CALN1: variants seen among roughly 807,000 people sequenced by gnomAD.
CALN1 encodes calcium-binding protein 8.
In CALN1, 17 loss-of-function variants were observed where a neutral mutation model predicts 30.6. That is an observed-to-expected ratio of 0.56 (90% CI 0.38 to 0.83). CALN1 has a LOEUF of 0.83. Among genes scored for constraint, CALN1 ranks in the 40% least tolerant of loss-of-function variants. CALN1 has a pLI of 0.00. For synonymous variants in CALN1, 156 were observed against 131.4 expected (o/e 1.19, Z -1.28); for missense variants, 291 against 354.9 (o/e 0.82, Z 1.45).
chr7:72,339,922 G>A (rs1166454237), intron 2 of CALN1, among the ~76,000 whole-genome samples: 2 of 152,208 alleles, frequency 1.3e-5, no homozygotes, highest in African/African-American at 4.8e-5. Context: ...GTCAAGATGA[G>A]ATTTGGGTGG....
chr7:72,299,453 A>C (rs1372355240), intron 2 of CALN1, among the ~76,000 whole-genome samples: 1 of 27,976 alleles, frequency 3.6e-5, no homozygotes, highest in Non-Finnish European at 8.4e-5. Context: ...CATCTTTCAT[A>C]GTTAAGAGGC....
chr7:72,044,143 G>A (rs1802310475), intron 4 of CALN1, among the ~76,000 whole-genome samples: 1 of 152,028 alleles, frequency 6.6e-6, no homozygotes, highest in South Asian at 2.1e-4. Flanking sequence ...TTGAATATGA[G>A]AGTTGGGGTA....
intron 3 of CALN1, among the ~76,000 whole-genome samples, chr7:72,177,636 A>C (rs1391491922): frequency 1.3e-5 from 2 of 151,546 alleles, no homozygotes; most frequent in Admixed American, 6.6e-5. Context: ...GTGGTGGTGC[A>C]TGACTGTAAT....
intron 4 of CALN1, among the ~76,000 whole-genome samples, chr7:72,081,709 C>T (rs1805159455): frequency 6.6e-6 from 1 of 151,646 alleles, no homozygotes; most frequent in Non-Finnish European, 1.5e-5. Context: ...GGTATGAGCC[C>T]TGCTAAGAAA....
At chr7:71,927,565 C>T (rs1460265927) in intron 5 of CALN1, among the ~76,000 whole-genome samples, 2 of 152,082 alleles carry the variant, frequency 1.3e-5, no homozygotes, top group Non-Finnish European at 2.9e-5. Flanking sequence ...TGCATGTAAG[C>T]TGTTTCTAAT....
At chr7:72,067,859 C>G (rs1804131462) in intron 4 of CALN1, among the ~76,000 whole-genome samples, 1 of 152,174 alleles carries the variant, frequency 6.6e-6, no homozygotes, top group Non-Finnish European at 1.5e-5. Context: ...AGATACAGAC[C>G]AGGAAGGAGT....
At chr7:72,402,466 C>T (rs999005627) in intron 2 of CALN1, among the ~76,000 whole-genome samples, 1 of 152,172 alleles carries the variant, frequency 6.6e-6, no homozygotes, top group Non-Finnish European at 1.5e-5. Flanking sequence ...CCATTCTGAA[C>T]AGCCTTAGGG....
intron 4 of CALN1, among the ~76,000 whole-genome samples, chr7:72,046,431 G>T (rs902173304): frequency 2.0e-5 from 3 of 151,874 alleles, no homozygotes. Flanking sequence ...TTGTAGAGAG[G>T]CTGGGTGTGG....
intron 5 of CALN1, among the ~76,000 whole-genome samples, chr7:71,945,991 G>T (rs1796387641): frequency 6.6e-6 from 1 of 152,184 alleles, no homozygotes; most frequent in Admixed American, 6.6e-5. Flanking sequence ...GGCTTCTGAA[G>T]GACTTCCCCA....
At chr7:72,369,679 C>G (rs577730577) in intron 2 of CALN1, among the ~76,000 whole-genome samples, 51 of 152,246 alleles carry the variant, frequency 3.3e-4, no homozygotes, top group African/African-American at 1.2e-3. Context: ...TCTCCTTTCA[C>G]TCGTAAGAAT....
chr7:72,158,768 C>T (rs774216308), intron 3 of CALN1, among the ~76,000 whole-genome samples: 1 of 152,128 alleles, frequency 6.6e-6, no homozygotes, highest in Non-Finnish European at 1.5e-5. Flanking sequence ...TGAAAGTACC[C>T]GAGTCTTGAT....
chr7:72,064,972 C>T (rs1584867764), intron 4 of CALN1, among the ~76,000 whole-genome samples: 2 of 151,506 alleles, frequency 1.3e-5, no homozygotes, highest in East Asian at 3.9e-4. Flanking sequence ...CTGCAGTGCA[C>T]TTGGGCACAA....
At chr7:72,225,743 G>C (rs1444816672) in intron 3 of CALN1, among the ~76,000 whole-genome samples, 1 of 152,080 alleles carries the variant, frequency 6.6e-6, no homozygotes, top group Non-Finnish European at 1.5e-5. Flanking sequence ...TGAGCTCCTA[G>C]CGAGTACCCA....
chr7:72,347,638 C>T (rs1019537313), intron 2 of CALN1, among the ~76,000 whole-genome samples: 6 of 152,056 alleles, frequency 3.9e-5, no homozygotes, highest in African/African-American at 7.2e-5. Flanking sequence ...AACAATTTGC[C>T]GGACAGACAA....
chr7:72,216,300 C>T (rs937176357), intron 3 of CALN1, among the ~76,000 whole-genome samples: 3 of 151,852 alleles, frequency 2.0e-5, no homozygotes, highest in Admixed American at 2.0e-4. Context: ...GTGGTGTGCA[C>T]CTGTAGTCCC....
At chr7:72,306,986 G>T (rs1224667574) in intron 2 of CALN1, among the ~76,000 whole-genome samples, 1 of 152,204 alleles carries the variant, frequency 6.6e-6, no homozygotes, top group African/African-American at 2.4e-5. Flanking sequence ...CTCAACATGT[G>T]AATTTGGGGT....
chr7:72,184,695 G>A (rs898299351), intron 3 of CALN1, among the ~76,000 whole-genome samples: 12 of 152,178 alleles, frequency 7.9e-5, no homozygotes, highest in South Asian at 4.2e-4. Flanking sequence ...GAAAACACTC[G>A]AATTTATTTC....
intron 3 of CALN1, among the ~76,000 whole-genome samples, chr7:72,118,046 G>A (rs907025786): frequency 6.6e-6 from 1 of 151,886 alleles, no homozygotes; most frequent in African/African-American, 2.4e-5. Context: ...CACAGGCCCA[G>A]TGCTCAGGGC....
At chr7:72,254,615 T>G (rs1795790689) in intron 3 of CALN1, among the ~76,000 whole-genome samples, 1 of 152,136 alleles carries the variant, frequency 6.6e-6, no homozygotes. Context: ...CAGAGGGCAC[T>G]TCCTCACTCC....
Sources: allele counts gnomAD v4.1 joint callset (sites outside exome capture counted in the v4.1 genomes callset), GRCh38; gene constraint gnomAD v4.1.1; transcripts MANE v1.5; gene names NCBI Gene and HGNC (gene_info 2026-07-23, HGNC 2026-07-21).